Variants in TRAPPC11 observed in about 807,000 individuals in gnomAD.
TRAPPC11 encodes the protein foie gras homolog.
TRAPPC11 carries 104 observed loss-of-function variants against 151.2 expected under a neutral mutation model. The ratio of observed to expected loss-of-function variants is 0.69; its 90% CI spans 0.59 to 0.81. The LOEUF (loss-of-function observed/expected upper bound fraction) is 0.81. TRAPPC11 is among the 30% of genes least tolerant of loss of function. The probability of loss-of-function intolerance (pLI) is 0.00; values close to 1 mark genes in which losing one functional copy is unlikely to be tolerated. For synonymous variants in TRAPPC11, 456 were observed against 472.3 expected, an observed-to-expected ratio of 0.97 and a Z score of 0.45; for missense variants, 1,230 against 1,349.6, an observed-to-expected ratio of 0.91 and a Z score of 1.39.
intron 11 of TRAPPC11, among the ~76,000 whole-genome samples, chr4:183,683,045 T>TCCA (rs1397042962): frequency 6.6e-6 from 1 of 152,036 alleles, no homozygotes; most frequent in Admixed American, 6.6e-5. Context: ...TGTATCTGGG[T>TCCA]GTGGTGGCAC....
chr4:183,675,295 T>C, intron 7 of TRAPPC11, 58 bp downstream of exon 7: 1 of 1,037,870 alleles, frequency 9.6e-7, no homozygotes, highest in Non-Finnish European at 1.4e-6. Flanking sequence ...TAACATGTGA[T>C]GGAAATTTCT....
In TRAPPC11 at chr4:183,692,985, GCAA is replaced by G. The variant is rs1368457252; in HGVS notation, c.2076_2078del (p.Asn693del). 6.2e-7 allele frequency: 1 copy of G among 1,612,316 alleles called. No homozygotes were observed. The highest frequency in any genetic ancestry group is 2.2e-5 in the East Asian group (1 of 44,794). ...ATTACTTCAGTGGATCTTGCTCTGG[GCAA>G]TGAGACGGGAAGATGTGTGGTTTTA... On this transcript the variant is annotated inframe_deletion, in exon 20 of 30. Transcript: ENST00000334690.
intron 22 of TRAPPC11, among the ~76,000 whole-genome samples, 169 bp from the exon 23 acceptor site, chr4:183,694,435 A>G (rs1025120532): frequency 6.6e-6 from 1 of 152,216 alleles, no homozygotes; most frequent in Non-Finnish European, 1.5e-5. Context: ...AGAGTACTCT[A>G]CTACAGTGGG....
rs147872774 is a variant in TRAPPC11, at chr4:183,708,424, C to A, written c.3207C>A (p.Leu1069=). 67 of 1,613,396 alleles carry A rather than the reference C, an allele frequency of 4.2e-5. No homozygotes were observed. The highest frequency in any genetic ancestry group is 5.3e-5 in the Non-Finnish European group (62 of 1,179,836). Reference sequence around the variant, plus strand: ...TGATGCAGATTCGATTACGTATCCTCCCTGGCACGGAGCAGGAAATGCTAT... The same window carrying A: ...TGATGCAGATTCGATTACGTATCCTACCTGGCACGGAGCAGGAAATGCTAT... ...SGLKQIRLRI[L]PGTEQEMLYN... Residue 1069 remains leucine, a synonymous_variant, in exon 29 of 30, where the codon CTC becomes CTA. Transcript: ENST00000334690.
chr4:183,692,265 C>A (rs533703298), intron 19 of TRAPPC11, among the ~76,000 whole-genome samples: 2 of 151,994 alleles, frequency 1.3e-5, no homozygotes, highest in Non-Finnish European at 2.9e-5. Context: ...GTTAGCTCAT[C>A]TAAACTTGGG....
rs372102247 is a variant in TRAPPC11, at chr4:183,685,411, G to A, written c.1762+8G>A. 101 of 1,611,632 alleles carry A rather than the reference G, an allele frequency of 6.3e-5. No homozygotes were observed. The East Asian group carries it at 7.1e-4, about 11-fold the overall frequency. On this transcript the variant is annotated splice_region_variant and intron_variant, in intron 17 of 29. Coordinates refer to ENST00000334690, the MANE Select transcript of TRAPPC11 (RefSeq NM_021942.6). ...AGGACTTTGTGCCATTTGGTAGGTA[G>A]CTAACATCTACAGTACTATTTCAGA...
intron 1 of TRAPPC11, among the ~76,000 whole-genome samples, chr4:183,663,380 C>A (rs1321127252): frequency 4.6e-5 from 7 of 152,126 alleles, no homozygotes; most frequent in Middle Eastern, 6.8e-3. Context: ...ACTACAGGCG[C>A]CCACCACCAC....
At chr4:183,666,485 CATTCCTTG>C in intron 3 of TRAPPC11, 59 bp downstream of exon 3, 1 of 1,543,008 alleles carries the variant, frequency 6.5e-7, no homozygotes, top group Non-Finnish European at 8.8e-7. Context: ...TATTCACTAA[CATTCCTTG>C]AAGGCAATGG....
intron 28 of TRAPPC11, 40 bp downstream of exon 28, chr4:183,706,980 G>T: frequency 6.2e-7 from 1 of 1,602,844 alleles, no homozygotes; most frequent in Non-Finnish European, 8.5e-7. Flanking sequence ...TGACACAAAA[G>T]TGTGCCAGGA....
chr4:183,685,500 G>C (rs11132206), intron 17 of TRAPPC11, 97 bp downstream of exon 17: 1 of 1,382,424 alleles, frequency 7.2e-7, no homozygotes, highest in Non-Finnish European at 9.9e-7. Context: ...TCAAGAAAGA[G>C]TTTTCAAAGT....
chr4:183,673,164 G>T (rs62357989), intron 5 of TRAPPC11, among the ~76,000 whole-genome samples: 1 of 151,750 alleles, frequency 6.6e-6, no homozygotes, highest in African/African-American at 2.4e-5. Flanking sequence ...GGGTTTCACC[G>T]TGTTAGCCAG....
rs1735992314 is a variant in TRAPPC11, at chr4:183,686,749, G to C, written c.1893+1G>C. ...GCTCTGTGTCAGCTTTAATAATCAG[G>C]TAATGATGCCATGTCATGTGTTTTT... On this transcript the variant is annotated splice_donor_variant, in intron 18 of 29. Coordinates refer to ENST00000334690, the MANE Select transcript of TRAPPC11 (RefSeq NM_021942.6). LOFTEE classifies it high-confidence loss of function. The C allele has an allele frequency of 6.2e-7, 1 of 1,613,596 alleles. No individual in the cohort carries two copies. Among genetic ancestry groups the C allele is most frequent in the Non-Finnish European group, 8.5e-7 (1 of 1,179,838 alleles).
At chr4:183,697,966 AAAGCAAATGC>A in intron 25 of TRAPPC11, 131 bp downstream of exon 25, 1 of 722,714 alleles carries the variant, frequency 1.4e-6, no homozygotes, top group South Asian at 2.3e-5. Flanking sequence ...TGCACTCGTG[AAAGCAAATGC>A]ATATGGAATT....
chr4:183,675,775 A>G (rs1410303493), intron 7 of TRAPPC11: 3 of 152,210 alleles, frequency 2.0e-5, no homozygotes, highest in Admixed American at 6.5e-5. Flanking sequence ...AATTTTTTAA[A>G]TTAAATTTTA....
chr4:183,671,056 G>C (rs547726670), intron 5 of TRAPPC11, among the ~76,000 whole-genome samples: 1 of 152,210 alleles, frequency 6.6e-6, no homozygotes, highest in South Asian at 2.1e-4. Context: ...AGTAGAGTCA[G>C]GGTTTTACCA....
chr4:183,708,402 T>C lies in TRAPPC11; in HGVS notation c.3190-5T>C, dbSNP rs779495557. 1.9e-6 allele frequency: 3 copies of C among 1,611,174 alleles called. No individual in the cohort carries two copies. The highest frequency in any genetic ancestry group is 2.5e-6 in the Non-Finnish European group (3 of 1,178,640). On this transcript the variant is annotated splice_polypyrimidine_tract_variant and splice_region_variant and intron_variant, in intron 28 of 29. Transcript: ENST00000334690. ...TATCTTTCTCTGTGACTTTTTATGA[T>C]GCAGATTCGATTACGTATCCTCCCT...
Position 183,685,354 on chromosome 4 carries a change from G to C in TRAPPC11, c.1713G>C (p.Leu571=). The change falls in exon 17 of 30, where the codon CTG becomes CTC. Residue 571 remains leucine, a synonymous_variant. Transcript: ENST00000334690. ...AGCTGTGGGCAGACCGAATTTCTCTGGCTGGCAGCAATATTTTCACAATAG... is the reference window on the plus strand; with the variant it reads ...AGCTGTGGGCAGACCGAATTTCTCTCGCTGGCAGCAATATTTTCACAATAG... ...AQKLWADRIS[L]AGSNIFTIGV... is the part of the protein sequence containing the mutation. 1 of 1,614,118 alleles carries C rather than the reference G, an allele frequency of 6.2e-7. No individual in the cohort carries two copies. The highest frequency in any genetic ancestry group is 8.5e-7 in the Non-Finnish European group (1 of 1,180,008).
intron 8 of TRAPPC11, among the ~76,000 whole-genome samples, chr4:183,678,655 A>T (rs914463775): frequency 6.6e-6 from 1 of 152,224 alleles, no homozygotes; most frequent in South Asian, 2.1e-4. Flanking sequence ...ACACATACTT[A>T]TCTGTGTGTA....
At chr4:183,675,262 GT>G (rs1456805542) in intron 7 of TRAPPC11, 25 bp downstream of exon 7, 1 of 1,417,746 alleles carries the variant, frequency 7.1e-7, no homozygotes, top group Admixed American at 2.3e-5. Context: ...CAAACTAAAT[GT>G]TTCCTATTTT....
Sources: gnomAD v4.1 joint callset for allele counts (sites outside exome capture counted in the v4.1 genomes callset) on GRCh38, gnomAD v4.1.1 for gene constraint, MANE v1.5 for transcripts, NCBI Gene and HGNC (gene_info 2026-07-23, HGNC 2026-07-21) for gene names.